LHPP: variants seen among roughly 807,000 people sequenced by gnomAD.
LHPP encodes phospholysine phosphohistidine inorganic pyrophosphate phosphatase, also known as hLHPP.
Under a neutral mutation model 30.3 loss-of-function variants are expected in LHPP, and 24 were observed. The ratio of observed to expected loss-of-function variants is 0.79; its 90% CI spans 0.57 to 1.11. LHPP has a LOEUF of 1.11. LHPP is among the 50% of genes most tolerant of loss of function. LHPP has a pLI of 0.00. For missense variants in LHPP, 356 were observed against 367.2 expected, an observed-to-expected ratio of 0.97 and a Z score of 0.25; for synonymous variants, 150 against 157.1, an observed-to-expected ratio of 0.95 and a Z score of 0.34.
intron 6 of LHPP, among the ~76,000 whole-genome samples, chr10:124,582,216 G>A (rs1948752450): frequency 6.6e-6 from 1 of 152,150 alleles, no homozygotes. Flanking sequence ...AAGTAGCTAG[G>A]ACTACAGGTA....
intron 6 of LHPP, among the ~76,000 whole-genome samples, chr10:124,594,307 G>A (rs188522246): frequency 7.0e-6 from 1 of 143,168 alleles, no homozygotes; most frequent in Admixed American, 7.1e-5. Flanking sequence ...TCCAGCCTGG[G>A]CGGCAGAGTG....
intron 6 of LHPP, among the ~76,000 whole-genome samples, chr10:124,542,484 C>G (rs34684949): frequency 0.12 from 17,661 of 152,230 alleles, 1,418 homozygotes; most frequent in Non-Finnish European, 0.16. Flanking sequence ...CAGGGTCTCC[C>G]TGGGACTGGA....
Position 124,488,497 on chromosome 10 carries a change from T to TC in LHPP, c.389_390insC (p.Ser131PhefsTer7). On this transcript the variant is annotated frameshift_variant, in exon 3 of 7. Coordinates refer to ENST00000368842, the MANE Select transcript of LHPP (RefSeq NM_022126.4). LOFTEE classifies it high-confidence loss of function. Reference sequence around the variant, plus strand: ...GTAATTGCAGACGCAGGAGAAAGCTTTTCTTATCAAAACATGAATAACGCC... The same window carrying TC: ...GTAATTGCAGACGCAGGAGAAAGCTTCTTCTTATCAAAACATGAATAACGCC... The TC allele has an allele frequency of 6.2e-7, 1 of 1,613,948 alleles. No homozygotes were observed. The highest frequency in any genetic ancestry group is 8.5e-7 in the Non-Finnish European group (1 of 1,179,988).
intron 5 of LHPP, 143 bp downstream of exon 5, chr10:124,498,271 C>T: frequency 6.5e-7 from 1 of 1,547,782 alleles, no homozygotes; most frequent in Non-Finnish European, 8.9e-7. Context: ...GCTGACCTGG[C>T]TGGGAAGGAG....
At chr10:124,494,747 C>G (rs562259100) in intron 3 of LHPP, among the ~76,000 whole-genome samples, 1 of 152,266 alleles carries the variant, frequency 6.6e-6, no homozygotes, top group South Asian at 2.1e-4. Flanking sequence ...CCCAGCCTGT[C>G]CCCCGCCCTG....
intron 5 of LHPP, among the ~76,000 whole-genome samples, chr10:124,508,360 A>G (rs1226124894): frequency 6.6e-6 from 1 of 152,156 alleles, no homozygotes; most frequent in East Asian, 1.9e-4. Flanking sequence ...CCAGCACTGA[A>G]AGAATGGGCC....
chr10:124,606,941 CCTGCCCTCTCT>C lies in LHPP; in HGVS notation c.717-6313_717-6303del, dbSNP rs1051724805. Among the ~76,000 whole-genome samples, 36 of 152,330 alleles carry C rather than the reference CCTGCCCTCTCT, an allele frequency of 2.4e-4. 1 individual carries two copies. The highest frequency in any genetic ancestry group is 8.2e-4 in the African/African-American group (34 of 41,570). On this transcript the variant is annotated intron_variant, in intron 6 of 6. Transcript: ENST00000368842. The stretch of plus-strand genomic sequence containing the variant: ...CCCTCCATGTGTCTGTCTCTACTCG[CCTGCCCTCTCT>C]CTGCCCTCTTTTCTCTGCTTCATCC...
At chr10:124,587,869 G>A (rs978669385) in intron 6 of LHPP, among the ~76,000 whole-genome samples, 6 of 152,080 alleles carry the variant, frequency 3.9e-5, no homozygotes, top group African/African-American at 1.2e-4. Flanking sequence ...AGATGAGGAC[G>A]TGGAGGCCCT....
At position 124,590,349 on chromosome 10, in the gene LHPP, G is replaced by A. The variant is rs906668125; in HGVS notation, c.717-22915G>A. On this transcript the variant is annotated intron_variant, in intron 6 of 6. Transcript: ENST00000368842. This position sits in a 1 kb window ranked among gnomAD's most constrained non-coding sequence, Gnocchi z 4.3. ...GGGGAAGTGCTGGAACCCTCCGCAC[G>A]AGGGCAACCTTTCTTGGGCTCTGAA... 9.9e-5 allele frequency among the ~76,000 whole-genome samples: 15 copies of A among 152,268 alleles called. No homozygotes were observed. The highest frequency in any genetic ancestry group is 3.4e-3 in the Middle Eastern group (1 of 294).
intron 2 of LHPP, among the ~76,000 whole-genome samples, 154 bp downstream of exon 2, chr10:124,484,480 C>T (rs1023294469): frequency 2.0e-5 from 3 of 151,990 alleles, no homozygotes; most frequent in African/African-American, 7.3e-5. Flanking sequence ...ATGGGACTTC[C>T]TGCTGGGGGC....
intron 6 of LHPP, among the ~76,000 whole-genome samples, chr10:124,562,505 G>T (rs997816471): frequency 6.6e-6 from 1 of 152,132 alleles, no homozygotes; most frequent in Admixed American, 6.6e-5. Context: ...AGAAAAAATA[G>T]ACTGAAAAGA....
Position 124,496,970 on chromosome 10 carries a change from C to T in LHPP, c.477C>T (p.Tyr159=), listed in dbSNP as rs1197111335. 1.2e-6 allele frequency: 2 copies of T among 1,614,114 alleles called. No homozygotes were observed. Among genetic ancestry groups the T allele is most frequent in the Non-Finnish European group, 1.7e-6 (2 of 1,179,950 alleles). The change falls in exon 4 of 7, where the codon TAC becomes TAT. Residue 159 remains tyrosine (Y), a synonymous_variant. Coordinates refer to ENST00000368842, the MANE Select transcript of LHPP (RefSeq NM_022126.4). The surrounding 1 kb of genome is among the most constrained non-coding windows in gnomAD (Gnocchi z 4.3). ...TTCTGCTCTCTCCTAGGCGTTACTACAAGGAGACCTCTGGCCTGATGCTGG... is the reference window on the plus strand; with the variant it reads ...TTCTGCTCTCTCCTAGGCGTTACTATAAGGAGACCTCTGGCCTGATGCTGG... The part of the protein sequence containing the change: ...VLISLGKGRY[Y]KETSGLMLDV...
At chr10:124,536,252 A>T (rs1296880285) in intron 6 of LHPP, among the ~76,000 whole-genome samples, 1 of 152,210 alleles carries the variant, frequency 6.6e-6, no homozygotes, top group African/African-American at 2.4e-5. Flanking sequence ...GCTTTCAGGG[A>T]TGCTGTCTGG....
chr10:124,529,919 C>T (rs964860630), intron 6 of LHPP, among the ~76,000 whole-genome samples: 2 of 152,212 alleles, frequency 1.3e-5, no homozygotes, highest in Non-Finnish European at 2.9e-5. Context: ...GGGGAATCAG[C>T]CCTGCAGATG....
intron 3 of LHPP, among the ~76,000 whole-genome samples, chr10:124,491,090 C>T (rs894563639): frequency 2.6e-5 from 4 of 151,712 alleles, no homozygotes. Context: ...GTTTTGGAAT[C>T]ACAGGGTTCT....
Position 124,576,070 on chromosome 10 carries a change from C to T in LHPP, c.717-37194C>T, listed in dbSNP as rs1414850049. On this transcript the variant is annotated intron_variant, in intron 6 of 6. Transcript: ENST00000368842. This position sits in a 1 kb window ranked among gnomAD's most constrained non-coding sequence, Gnocchi z 4.2. ...AAATGGGGGTTCCCACTGGATTGGT[C>T]GTTTCTGCATTGTCCGGAGCTCTCA... is the stretch of plus-strand genomic sequence containing the variant. 1.3e-5 allele frequency among the ~76,000 whole-genome samples: 2 copies of T among 152,130 alleles called. No individual in the cohort carries two copies. The highest frequency in any genetic ancestry group is 2.9e-5 in the Non-Finnish European group (2 of 68,008).
Position 124,484,261 on chromosome 10 carries a change from C to T in LHPP, c.248C>T (p.Pro83Leu), listed in dbSNP as rs774460170. Reference sequence around the variant, plus strand: ...ATCTCTGAGCAGGAGGTGACCGCCCCGGCACCAGCTGCCTGCCAGATCCTG... The same window carrying T: ...ATCTCTGAGCAGGAGGTGACCGCCCTGGCACCAGCTGCCTGCCAGATCCTG... ...FDISEQEVTA[P>L]APAACQILKE... The change falls in exon 2 of 7, where the codon CCG (proline) becomes CTG (leucine). Residue 83 changes from proline (P) to leucine (L), a missense_variant. Pro to Leu is a moderately conservative substitution (Grantham distance 98). Transcript: ENST00000368842. 1.6e-5 allele frequency: 26 copies of T among 1,613,888 alleles called. 2 individuals are homozygous for T. Among genetic ancestry groups the T allele is most frequent in the South Asian group, 8.8e-5 (8 of 91,088 alleles).
chr10:124,552,696 C>T (rs1488102148), intron 6 of LHPP, among the ~76,000 whole-genome samples: 1 of 152,174 alleles, frequency 6.6e-6, no homozygotes, highest in African/African-American at 2.4e-5. Flanking sequence ...TGCCAGAGAC[C>T]ATTTGAACCC....
intron 3 of LHPP, among the ~76,000 whole-genome samples, chr10:124,495,470 G>A (rs1457473157): frequency 6.6e-6 from 1 of 152,260 alleles, no homozygotes; most frequent in Non-Finnish European, 1.5e-5. Context: ...AAGCATCTGA[G>A]GCAGGCAGTG....
Sources: gnomAD v4.1 joint callset for allele counts (sites outside exome capture counted in the v4.1 genomes callset) on GRCh38, gnomAD v4.1.1 for gene constraint, Gnocchi (gnomAD v3.1) non-coding constraint, MANE v1.5 for transcripts, NCBI Gene and HGNC (gene_info 2026-07-23, HGNC 2026-07-21) for gene names.